Variants in FGF13 observed in about 807,000 individuals in gnomAD.
FGF13 encodes the protein fibroblast growth factor homologous factor 2.
FGF13 carries 2 observed loss-of-function variants against 19.5 expected under a neutral mutation model. The ratio of observed to expected loss-of-function variants is 0.10; its 90% confidence interval spans 0.04 to 0.32. The LOEUF (loss-of-function observed/expected upper bound fraction) is 0.32, where lower values mean the gene tolerates loss of function less well. Among genes scored for constraint, FGF13 ranks in the 10% least tolerant of loss-of-function variants. FGF13 has a pLI of 1.00. For missense variants in FGF13, 113 were observed against 192.7 expected (o/e 0.59, Z 2.45); for synonymous variants, 72 against 76.9 (o/e 0.94, Z 0.33).
chrX:138,649,769 T>C (rs1173832704), intron 3 of FGF13, among the ~76,000 whole-genome samples: 1 of 112,579 alleles, frequency 8.9e-6, no homozygotes, highest in Non-Finnish European at 1.9e-5. Flanking sequence ...GTATAAGTTC[T>C]GGTTCCAGAA....
chrX:138,688,201 G>C (rs2089804102), intron 3 of FGF13, among the ~76,000 whole-genome samples: 1 of 109,185 alleles, frequency 9.2e-6, no homozygotes. Context: ...CTGACCTTGT[G>C]ATCTGCCCAC....
intron 1 of FGF13, among the ~76,000 whole-genome samples, chrX:139,022,563 T>G (rs1339178223): frequency 2.7e-5 from 3 of 111,571 alleles, no homozygotes; most frequent in South Asian, 7.5e-4. Context: ...AAATTGTTTG[T>G]TCCACGTGTA....
intron 1 of FGF13, among the ~76,000 whole-genome samples, chrX:138,880,370 A>G (rs1028516239): frequency 8.9e-6 from 1 of 112,135 alleles, no homozygotes; most frequent in African/African-American, 3.2e-5. Flanking sequence ...TGCTATAAGG[A>G]CACATGCACA....
At position 138,704,522 on chromosome X, in the gene FGF13, C is replaced by T. The variant is rs1378760313; in HGVS notation, c.299-1435G>A. Among the ~76,000 whole-genome samples, 5 of 112,256 alleles carry T rather than the reference C, an allele frequency of 4.5e-5. No homozygotes were observed. The East Asian group carries it at 8.4e-4, about 19-fold the overall frequency. On this transcript the variant is annotated intron_variant, in intron 2 of 4. Coordinates refer to ENST00000315930, the MANE Select transcript of FGF13 (RefSeq NM_004114.5). ...TCTGTGAACAAGAATGTAAAGGAGTCACCCTGTGGGTAAGAATAGTTTTTC... is the reference window on the plus strand; with the variant it reads ...TCTGTGAACAAGAATGTAAAGGAGTTACCCTGTGGGTAAGAATAGTTTTTC...
In FGF13 at chrX:138,618,937, C is replaced by T. The variant is rs1164371319; in HGVS notation, c.*13913G>A. ...GTCAGGCTAACTGGTATAACTGTTT[C>T]TCTTCTGAAGCCAGTCAGTATAGGC... On this transcript the variant is annotated 3_prime_UTR_variant, in exon 5 of 5. Transcript: ENST00000315930. 1 of 111,137 alleles carries T rather than the reference C, an allele frequency of 9.0e-6. No individual in the cohort carries two copies. Among genetic ancestry groups the T allele is most frequent in the African/African-American group, 3.3e-5 (1 of 30,488 alleles). 9.2% of individuals were successfully genotyped at this position (111,137 alleles called of 1,213,427 possible).
chrX:139,078,836 C>T, intron 1 of FGF13, among the ~76,000 whole-genome samples: 1 of 112,877 alleles, frequency 8.9e-6, no homozygotes, highest in Admixed American at 9.3e-5. Flanking sequence ...TGAAACTTTA[C>T]AGAGGAACAA....
At chrX:138,641,327 CTCTT>C in intron 3 of FGF13, among the ~76,000 whole-genome samples, 1 of 111,903 alleles carries the variant, frequency 8.9e-6, no homozygotes. Context: ...TCCCACCTCT[CTCTT>C]CTTCTCCTCT....
At chrX:138,869,834 C>A in intron 1 of FGF13, among the ~76,000 whole-genome samples, 1 of 112,008 alleles carries the variant, frequency 8.9e-6, no homozygotes, top group East Asian at 2.8e-4. Flanking sequence ...TTCTAATTCC[C>A]CATTCAGTAA....
At chrX:138,984,585 AAGAAGG>A (rs1232056994) in intron 1 of FGF13, among the ~76,000 whole-genome samples, 32 of 18,330 alleles carry the variant, frequency 1.7e-3, no homozygotes, top group South Asian at 6.2e-3. Context: ...GAAGAAGAAG[AAGAAGG>A]AGGAGGAGGA....
chrX:139,163,100 T>C (rs2084049526), intron 1 of FGF13, among the ~76,000 whole-genome samples: 1 of 112,061 alleles, frequency 8.9e-6, no homozygotes, highest in Admixed American at 9.5e-5. Context: ...CACGTATGTT[T>C]ATTGCAGCAC....
At chrX:139,203,736 G>A, upstream of FGF13, among the ~76,000 whole-genome samples, 3 of 111,941 alleles carry the variant, frequency 2.7e-5, no homozygotes, top group Admixed American at 2.8e-4. Flanking sequence ...GCGGCCGGCT[G>A]TCAGCAGACA....
chrX:138,943,438 C>G (rs1195069526), intron 1 of FGF13, among the ~76,000 whole-genome samples: 3 of 112,280 alleles, frequency 2.7e-5, no homozygotes, highest in South Asian at 3.7e-4. Flanking sequence ...TATGAGCTAG[C>G]TAGGAGCTCC....
intron 1 of FGF13, among the ~76,000 whole-genome samples, chrX:139,198,819 G>A (rs1286925237): frequency 7.2e-5 from 8 of 111,487 alleles, no homozygotes; most frequent in Non-Finnish European, 1.3e-4. Context: ...TCTAAGGCCT[G>A]GAGTGGTGGT....
intron 1 of FGF13, among the ~76,000 whole-genome samples, chrX:139,194,897 C>T (rs1282381534): frequency 1.8e-5 from 2 of 111,897 alleles, no homozygotes; most frequent in South Asian, 7.6e-4. Context: ...CGACGCCTCC[C>T]CGTGAGTCGA....
intron 1 of FGF13, among the ~76,000 whole-genome samples, chrX:139,200,477 C>A (rs1188600912): frequency 1.8e-5 from 2 of 111,861 alleles, no homozygotes; most frequent in Non-Finnish European, 3.8e-5. Flanking sequence ...CACTACTACC[C>A]ATTACAACAG....
chrX:138,882,773 G>T (rs2091433803), intron 1 of FGF13, among the ~76,000 whole-genome samples: 1 of 111,493 alleles, frequency 9.0e-6, no homozygotes, highest in African/African-American at 3.3e-5. Context: ...ACAAACTCTT[G>T]CATGGAAACT....
intron 3 of FGF13, among the ~76,000 whole-genome samples, chrX:138,641,300 A>C (rs1368079024): frequency 9.0e-6 from 1 of 111,704 alleles, no homozygotes; most frequent in Non-Finnish European, 1.9e-5. Context: ...TAACTAATCT[A>C]CCTTTTCCTT....
chrX:139,092,773 C>G (rs2083446864), intron 1 of FGF13, among the ~76,000 whole-genome samples: 1 of 111,755 alleles, frequency 8.9e-6, no homozygotes, highest in African/African-American at 3.3e-5. Context: ...AGAAATTAGT[C>G]CTTGGCACTG....
chrX:138,718,047 A>T (rs1041942122), intron 1 of FGF13, among the ~76,000 whole-genome samples: 3 of 112,479 alleles, frequency 2.7e-5, no homozygotes, highest in Admixed American at 9.4e-5. Flanking sequence ...CAATAAATGT[A>T]TTATTAATCA....
Sources: allele counts gnomAD v4.1 joint callset (sites outside exome capture counted in the v4.1 genomes callset), GRCh38; gene constraint gnomAD v4.1.1; transcripts MANE v1.5; gene names NCBI Gene and HGNC (gene_info 2026-07-23, HGNC 2026-07-21).